The following KHDRBS3 variants were observed in gnomAD, a reference collection of about 807,000 sequenced individuals.
KHDRBS3 encodes the protein KH domain-containing, RNA-binding, signal transduction-associated protein 3.
A neutral mutation model predicts 45.6 loss-of-function variants in KHDRBS3; 23 were observed. The observed-to-expected ratio is 0.50, with a 90% confidence interval of 0.36 to 0.72. KHDRBS3 has a LOEUF of 0.72. Ranked by LOEUF, KHDRBS3 falls within the 30% of genes least tolerant of loss-of-function variation. KHDRBS3 has a pLI of 0.00. For missense variants in KHDRBS3, 352 were observed against 424.8 expected (o/e 0.83, Z 1.51); for synonymous variants, 162 against 156.5 (o/e 1.04, Z -0.26).
intron 6 of KHDRBS3, 23 bp from the exon 7 acceptor site, chr8:135,606,932 G>T (rs537419548): frequency 6.4e-7 from 1 of 1,569,718 alleles, no homozygotes; most frequent in Non-Finnish European, 8.7e-7. Context: ...GAATGTTTTT[G>T]TACTTCTCCT....
chr8:135,536,989 A>G (rs1324687507), intron 2 of KHDRBS3, among the ~76,000 whole-genome samples: 2,091 of 47,400 alleles, frequency 0.044, 228 homozygotes, highest in African/African-American at 0.08. Context: ...AAAAAAAAAA[A>G]AAAAAAAAGG....
At chr8:135,502,858 T>C (rs1823800822) in intron 1 of KHDRBS3, among the ~76,000 whole-genome samples, 1 of 152,210 alleles carries the variant, frequency 6.6e-6, no homozygotes, top group Non-Finnish European at 1.5e-5. Context: ...TTTTGTTTTT[T>C]AGGTGTATTC....
At chr8:135,473,026 T>C (rs900663456) in intron 1 of KHDRBS3, among the ~76,000 whole-genome samples, 2 of 117,872 alleles carry the variant, frequency 1.7e-5, no homozygotes, top group African/African-American at 7.2e-5. Flanking sequence ...TAAAACTGTT[T>C]ATTTGAAAAG....
At chr8:135,526,233 A>T (rs1459555950) in intron 2 of KHDRBS3, among the ~76,000 whole-genome samples, 1 of 152,160 alleles carries the variant, frequency 6.6e-6, no homozygotes, top group African/African-American at 2.4e-5. Context: ...GACTCATAAC[A>T]TCAATAAAGT....
At chr8:135,623,743 T>G (rs957161355) in intron 7 of KHDRBS3, among the ~76,000 whole-genome samples, 3 of 152,176 alleles carry the variant, frequency 2.0e-5, no homozygotes, top group Non-Finnish European at 2.9e-5. Context: ...ATTTGAACAA[T>G]GGCTAGTTAC....
intron 4 of KHDRBS3, among the ~76,000 whole-genome samples, chr8:135,654,647 T>C (rs929792992): frequency 1.3e-5 from 2 of 152,226 alleles, no homozygotes; most frequent in African/African-American, 4.8e-5. Flanking sequence ...CTGAAAGTCC[T>C]GCGACCCTTC....
intron 1 of KHDRBS3, among the ~76,000 whole-genome samples, chr8:135,483,198 G>A (rs1822673564): frequency 6.6e-6 from 1 of 152,218 alleles, no homozygotes. Context: ...GCAACTGGCT[G>A]ATATTTGAAA....
At chr8:135,530,706 G>GT (rs1825430416) in intron 2 of KHDRBS3, among the ~76,000 whole-genome samples, 1 of 151,986 alleles carries the variant, frequency 6.6e-6, no homozygotes, top group Admixed American at 6.6e-5. Context: ...TTTTTCCTGC[G>GT]TTTTTTACTT....
intron 1 of KHDRBS3, among the ~76,000 whole-genome samples, chr8:135,469,766 A>G (rs1427871226): frequency 6.6e-6 from 1 of 152,078 alleles, no homozygotes; most frequent in Non-Finnish European, 1.5e-5. Context: ...TGACCTCGTG[A>G]TCCACCCGCC....
intron 7 of KHDRBS3, among the ~76,000 whole-genome samples, chr8:135,641,186 G>A (rs571824560): frequency 1.4e-4 from 22 of 152,184 alleles, no homozygotes; most frequent in African/African-American, 4.8e-4. Flanking sequence ...TTTTTATTAT[G>A]CTGAACTGTG....
chr8:135,629,968 G>A (rs764950528), intron 7 of KHDRBS3, among the ~76,000 whole-genome samples: 4 of 152,224 alleles, frequency 2.6e-5, no homozygotes, highest in Admixed American at 6.5e-5. Flanking sequence ...CCTCCCGAGG[G>A]GAAACATTCT....
chr8:135,567,240 C>T (rs1827468505), intron 5 of KHDRBS3, among the ~76,000 whole-genome samples: 2 of 151,850 alleles, frequency 1.3e-5, no homozygotes, highest in Admixed American at 6.6e-5. Context: ...CTGGGTGCAA[C>T]TCAGTAAAAC....
chr8:135,472,486 A>T (rs917908254), intron 1 of KHDRBS3, among the ~76,000 whole-genome samples: 1 of 151,556 alleles, frequency 6.6e-6, no homozygotes, highest in Non-Finnish European at 1.5e-5. Context: ...GCAAAAGACA[A>T]ACTGTGTTTG....
intron 5 of KHDRBS3, among the ~76,000 whole-genome samples, chr8:135,567,492 C>G (rs978524304): frequency 6.6e-6 from 1 of 152,228 alleles, no homozygotes; most frequent in Non-Finnish European, 1.5e-5. Flanking sequence ...CCGTGCTATA[C>G]TTTGCTGTTA....
rs73712040 is a variant in KHDRBS3 at position 135,480,775 on chromosome 8, G to A, written c.88+22821G>A. ...TTTATATTAAGTTTAATATTCTGTC[G>A]TAGTCATTTTCTTAAGTCGTCAGAA... is the stretch of plus-strand genomic sequence containing the variant. On this transcript the variant is annotated intron_variant, in intron 1 of 8. Transcript: ENST00000355849. 2.9e-3 allele frequency among the ~76,000 whole-genome samples: 447 copies of A among 151,978 alleles called. 3 individuals carry two copies. The highest frequency in any genetic ancestry group is 0.017 in the Middle Eastern group (5 of 294).
At chr8:135,588,370 G>A (rs912844985) in intron 6 of KHDRBS3, among the ~76,000 whole-genome samples, 51 of 152,108 alleles carry the variant, frequency 3.4e-4, no homozygotes, top group African/African-American at 1.1e-3. Flanking sequence ...ACCCTCGCGC[G>A]GCACCTCTGT....
intron 6 of KHDRBS3, among the ~76,000 whole-genome samples, chr8:135,585,854 A>G (rs1282913335): frequency 6.6e-6 from 1 of 152,208 alleles, no homozygotes. Flanking sequence ...AACCCTATAC[A>G]GAGACTTGAT....
At chr8:135,645,859 T>C (rs1333892541) in intron 8 of KHDRBS3, among the ~76,000 whole-genome samples, 2 of 152,230 alleles carry the variant, frequency 1.3e-5, no homozygotes, top group African/African-American at 4.8e-5. Flanking sequence ...CCGGTGCAAG[T>C]ATATCAGGAT....
intron 6 of KHDRBS3, among the ~76,000 whole-genome samples, chr8:135,588,150 C>A (rs1828569755): frequency 6.6e-6 from 1 of 152,202 alleles, no homozygotes; most frequent in East Asian, 1.9e-4. Flanking sequence ...AGGTTACCCA[C>A]AACTTGTGTC....
Sources: gnomAD v4.1 joint callset for allele counts (sites outside exome capture counted in the v4.1 genomes callset) on GRCh38, gnomAD v4.1.1 for gene constraint, MANE v1.5 for transcripts, NCBI Gene and HGNC (gene_info 2026-07-23, HGNC 2026-07-21) for gene names.